Variants in P4HA1 observed in about 807,000 individuals in gnomAD.
P4HA1 encodes the protein prolyl 4-hydroxylase subunit alpha 1, also known as prolyl 4-hydroxylase subunit alpha-1.
In P4HA1, 24 loss-of-function variants were observed where a neutral mutation model predicts 72.8. That is an observed-to-expected ratio of 0.33 (90% CI 0.24 to 0.46). The LOEUF (loss-of-function observed/expected upper bound fraction) is 0.46, where lower values mean the gene tolerates loss of function less well. P4HA1 is among the 20% of genes least tolerant of loss of function. The probability of loss-of-function intolerance (pLI) is 1.00; values close to 1 mark genes in which losing one functional copy is unlikely to be tolerated. For missense variants in P4HA1, 446 were observed against 640.6 expected, an observed-to-expected ratio of 0.70 and a Z score of 3.28; for synonymous variants, 201 against 218.8, an observed-to-expected ratio of 0.92 and a Z score of 0.72.
chr10:73,048,135 AC>A (rs1354332595), intron 7 of P4HA1, among the ~76,000 whole-genome samples: 1 of 152,222 alleles, frequency 6.6e-6, no homozygotes, highest in Non-Finnish European at 1.5e-5. Flanking sequence ...CTAATAGTAT[AC>A]TAAAACAAAT....
intron 7 of P4HA1, among the ~76,000 whole-genome samples, chr10:73,050,512 C>T (rs914612763): frequency 3.3e-5 from 5 of 151,812 alleles, no homozygotes; most frequent in African/African-American, 7.3e-5. Flanking sequence ...CCAGCCTGGC[C>T]AACATGGTGA....
At chr10:73,012,495 T>G (rs1839927888) in intron 12 of P4HA1, among the ~76,000 whole-genome samples, 1 of 152,194 alleles carries the variant, frequency 6.6e-6, no homozygotes, top group African/African-American at 2.4e-5. Flanking sequence ...TCTTTTTTTA[T>G]ATGAATCTTT....
At chr10:73,096,576 C>A (rs1297474128) in intron 1 of P4HA1, among the ~76,000 whole-genome samples, 190 bp downstream of exon 1, 1 of 152,144 alleles carries the variant, frequency 6.6e-6, no homozygotes, top group Non-Finnish European at 1.5e-5. Flanking sequence ...GCGCGGGCGC[C>A]GGGAGTCGCG....
chr10:73,088,426 T>G (rs756709525), intron 1 of P4HA1, among the ~76,000 whole-genome samples: 4 of 152,150 alleles, frequency 2.6e-5, no homozygotes, highest in Non-Finnish European at 5.9e-5. Context: ...TTCCCTCCCT[T>G]GGTACTGGTG....
At chr10:73,078,952 A>G (rs181390028) in intron 1 of P4HA1, among the ~76,000 whole-genome samples, 1 of 151,448 alleles carries the variant, frequency 6.6e-6, no homozygotes, top group African/African-American at 2.4e-5. Flanking sequence ...CAGACCTCCT[A>G]TAATATATTT....
At chr10:73,063,912 A>C (rs1208964650) in intron 5 of P4HA1, among the ~76,000 whole-genome samples, 1 of 152,208 alleles carries the variant, frequency 6.6e-6, no homozygotes, top group African/African-American at 2.4e-5. Flanking sequence ...TTTCCAAAGT[A>C]GAGAACATGA....
rs543919120 is a variant in P4HA1, at chr10:73,050,070, G to C, written c.900+983C>G. On this transcript the variant is annotated intron_variant, in intron 7 of 14. Coordinates refer to ENST00000394890, the MANE Select transcript of P4HA1 (RefSeq NM_001017962.3). ...AGTCCCAGCTACTTGGGAGGCTGAAGCACAAGAATTGCTTGAACCCAGGAG... is the reference window on the plus strand; with the variant it reads ...AGTCCCAGCTACTTGGGAGGCTGAACCACAAGAATTGCTTGAACCCAGGAG... 3.3e-5 allele frequency among the ~76,000 whole-genome samples: 5 copies of C among 151,880 alleles called. No individual in the cohort carries two copies. In the East Asian group the frequency reaches 9.7e-4, roughly 30 times the overall value.
intron 5 of P4HA1, among the ~76,000 whole-genome samples, chr10:73,059,796 C>G (rs1841268508): frequency 6.6e-6 from 1 of 150,860 alleles, no homozygotes; most frequent in Non-Finnish European, 1.5e-5. Flanking sequence ...AAAAAAATAG[C>G]CAGGTATGGT....
At chr10:73,075,407 A>C (rs1021042254) in intron 1 of P4HA1, among the ~76,000 whole-genome samples, 1 of 152,086 alleles carries the variant, frequency 6.6e-6, no homozygotes, top group African/African-American at 2.4e-5. Context: ...ACGCACCCAT[A>C]TTAGATAAAA....
In P4HA1 at chr10:73,037,571, A is replaced by ATT. The variant is rs71021545; in HGVS notation, c.1149-7203_1149-7202dup. On this transcript the variant is annotated intron_variant, in intron 9 of 14. Transcript: ENST00000394890. ...TATATATATATATATATATATATAT[A>ATT]TTTTTTTTTTTTTTTTTTTACAAAG... Among the ~76,000 whole-genome samples, 126 of 30,598 alleles carry ATT rather than the reference A, an allele frequency of 4.1e-3. 4 individuals carry two copies. The highest frequency in any genetic ancestry group is 4.1e-3 in the Non-Finnish European group (70 of 16,986). The allele number at this position is 30,598 out of a possible 152,430, so 20.1% of individuals were successfully genotyped here.
chr10:73,011,550 CAT>C (rs1473454342), intron 12 of P4HA1, among the ~76,000 whole-genome samples: 1 of 151,800 alleles, frequency 6.6e-6, no homozygotes, highest in Non-Finnish European at 1.5e-5. Flanking sequence ...GGGAATCAAA[CAT>C]ATTAAATAAA....
chr10:73,046,886 T>G (rs912739716), intron 8 of P4HA1, 39 bp downstream of exon 8: 2 of 1,374,524 alleles, frequency 1.5e-6, no homozygotes, highest in Non-Finnish European at 2.0e-6. Context: ...GATACAAAGG[T>G]ACAGTAAATT....
intron 10 of P4HA1, among the ~76,000 whole-genome samples, chr10:73,021,602 C>G (rs1199310532): frequency 2.0e-5 from 3 of 152,156 alleles, no homozygotes; most frequent in African/African-American, 7.2e-5. Flanking sequence ...TTCTGCATTT[C>G]CAACTGAGGT....
At chr10:73,089,140 A>G (rs1449360102) in intron 1 of P4HA1, among the ~76,000 whole-genome samples, 1 of 152,222 alleles carries the variant, frequency 6.6e-6, no homozygotes, top group African/African-American at 2.4e-5. Flanking sequence ...GTGTTTCATA[A>G]TTTTCAACAT....
At chr10:73,011,611 T>G (rs1330176307) in intron 12 of P4HA1, among the ~76,000 whole-genome samples, 2 of 152,142 alleles carry the variant, frequency 1.3e-5, no homozygotes, top group Admixed American at 1.3e-4. Context: ...AAAGATAACC[T>G]AGAATAAAAA....
intron 10 of P4HA1, among the ~76,000 whole-genome samples, chr10:73,017,815 T>C (rs1383448773): frequency 2.6e-5 from 4 of 152,178 alleles, no homozygotes; most frequent in African/African-American, 9.7e-5. Flanking sequence ...TTGGATATCA[T>C]CTCAGTTTTC....
chr10:73,024,744 C>A (rs1186050298), intron 10 of P4HA1, among the ~76,000 whole-genome samples: 1 of 151,916 alleles, frequency 6.6e-6, no homozygotes, highest in African/African-American at 2.4e-5. Flanking sequence ...AGACAGCTAG[C>A]AAGACTAATA....
At chr10:73,025,290 T>C (rs1227242699) in intron 10 of P4HA1, among the ~76,000 whole-genome samples, 1 of 152,150 alleles carries the variant, frequency 6.6e-6, no homozygotes, top group Non-Finnish European at 1.5e-5. Flanking sequence ...GCTTCATCCC[T>C]GGGATGCAAG....
At chr10:73,070,357 A>C (rs1018513659) in intron 4 of P4HA1, among the ~76,000 whole-genome samples, 2 of 151,606 alleles carry the variant, frequency 1.3e-5, no homozygotes, top group Non-Finnish European at 2.9e-5. Context: ...GGTTTTCACC[A>C]TGTTGACTAA....
Sources: gnomAD v4.1 joint callset for allele counts (sites outside exome capture counted in the v4.1 genomes callset) on GRCh38, gnomAD v4.1.1 for gene constraint, MANE v1.5 for transcripts, NCBI Gene and HGNC (gene_info 2026-07-23, HGNC 2026-07-21) for gene names.